KLF8: variants seen among roughly 807,000 people sequenced by gnomAD.
The protein encoded by KLF8 is Krueppel-like factor 8.
KLF8 carries 10 observed loss-of-function variants against 18.2 expected under a neutral mutation model. That is an observed-to-expected ratio of 0.55 (90% confidence interval 0.34 to 0.93). KLF8 has a LOEUF of 0.93. Among genes scored for constraint, KLF8 ranks in the 40% least tolerant of loss-of-function variants. The pLI is 0.02. For synonymous variants in KLF8, 109 were observed against 97.3 expected, an observed-to-expected ratio of 1.12 and a Z score of -0.71; for missense variants, 264 against 277.9, an observed-to-expected ratio of 0.95 and a Z score of 0.36.
the KLF8 span, among the ~76,000 whole-genome samples, chrX:55,943,673 T>A: frequency 8.9e-6 from 1 of 112,125 alleles, no homozygotes; most frequent in African/African-American, 3.2e-5. Flanking sequence ...TGTTGTTCAG[T>A]GTAAGGCTAT....
At chrX:55,911,757 A>G in the KLF8 span, among the ~76,000 whole-genome samples, 11 of 112,256 alleles carry the variant, frequency 9.8e-5, no homozygotes, top group African/African-American at 2.9e-4. Flanking sequence ...TGTTCCATAC[A>G]TTGAAAGTTC....
chrX:56,104,468 A>G, the KLF8 span, among the ~76,000 whole-genome samples: 1 of 111,535 alleles, frequency 9.0e-6, no homozygotes, highest in East Asian at 2.8e-4. Context: ...CCAGGAATTA[A>G]TCCATTTCTA....
At chrX:56,264,156 A>C (rs1481187170) in intron 2 of KLF8, among the ~76,000 whole-genome samples, 1 of 111,600 alleles carries the variant, frequency 9.0e-6, no homozygotes, top group Non-Finnish European at 1.9e-5. Flanking sequence ...TGGCATACAC[A>C]GTTCATTATA....
the KLF8 span, among the ~76,000 whole-genome samples, chrX:55,972,489 CAAT>C: frequency 4.5e-5 from 5 of 110,547 alleles, no homozygotes; most frequent in Admixed American, 1.9e-4. Flanking sequence ...TGATCATAGT[CAAT>C]AATGATTTAA....
chrX:56,150,587 C>T, the KLF8 span, among the ~76,000 whole-genome samples: 1 of 110,836 alleles, frequency 9.0e-6, no homozygotes, highest in Non-Finnish European at 1.9e-5. Flanking sequence ...TGCTTGGGGA[C>T]CCCTCCCTAG....
chrX:56,203,914 T>TA, the KLF8 span, among the ~76,000 whole-genome samples: 1 of 111,703 alleles, frequency 9.0e-6, no homozygotes, highest in Non-Finnish European at 1.9e-5. Flanking sequence ...GCTTTTTTTT[T>TA]ATGGTTCCAT....
the KLF8 span, among the ~76,000 whole-genome samples, chrX:55,909,011 T>A: frequency 9.0e-6 from 1 of 110,845 alleles, no homozygotes; most frequent in Admixed American, 9.5e-5. Context: ...GTTCGATGGC[T>A]GTGTGGTTGG....
At chrX:56,010,716 C>T in the KLF8 span, among the ~76,000 whole-genome samples, 186 of 111,857 alleles carry the variant, frequency 1.7e-3, 2 homozygotes, top group African/African-American at 5.6e-3. Flanking sequence ...TCAAGAGACC[C>T]ATCTCACTTG....
chrX:56,080,730 A>G, the KLF8 span, among the ~76,000 whole-genome samples: 1 of 111,709 alleles, frequency 9.0e-6, no homozygotes, highest in Non-Finnish European at 1.9e-5. Context: ...CCTGGATAAT[A>G]TCCTGCAGAG....
the KLF8 span, among the ~76,000 whole-genome samples, chrX:55,912,172 A>T: frequency 9.0e-6 from 1 of 111,606 alleles, no homozygotes; most frequent in Non-Finnish European, 1.9e-5. Flanking sequence ...AGACATACTG[A>T]TTCAGAAACT....
At chrX:56,188,838 T>C in the KLF8 span, among the ~76,000 whole-genome samples, 6 of 112,000 alleles carry the variant, frequency 5.4e-5, no homozygotes, top group East Asian at 1.7e-3. Flanking sequence ...TGAAACTGGA[T>C]CCCTTCCTTA....
the KLF8 span, chrX:55,908,707 C>T: frequency 3.5e-6 from 1 of 287,301 alleles, no homozygotes; most frequent in Admixed American, 6.2e-5. Context: ...GGAGTGAGGA[C>T]CCCGGGTCCA....
chrX:56,158,204 A>C, the KLF8 span, among the ~76,000 whole-genome samples: 1 of 111,273 alleles, frequency 9.0e-6, no homozygotes, highest in African/African-American at 3.3e-5. Context: ...GGTTGTAGAT[A>C]TGTGGCATTA....
the KLF8 span, among the ~76,000 whole-genome samples, chrX:56,188,471 A>G: frequency 5.4e-5 from 6 of 111,859 alleles, no homozygotes; most frequent in African/African-American, 9.8e-5. Flanking sequence ...ATTCAATGCC[A>G]TCCCCATCAA....
the KLF8 span, among the ~76,000 whole-genome samples, chrX:56,105,412 A>T: frequency 9.0e-6 from 1 of 111,440 alleles, no homozygotes; most frequent in Non-Finnish European, 1.9e-5. Context: ...ATTGGGTACA[A>T]ATATATTTAG....
the KLF8 span, among the ~76,000 whole-genome samples, chrX:55,989,798 C>T: frequency 3.0e-4 from 33 of 111,607 alleles, no homozygotes; most frequent in African/African-American, 1.1e-3. Flanking sequence ...CTCCTTGTAC[C>T]TCTGGTAGAA....
chrX:56,102,244 G>A, the KLF8 span, among the ~76,000 whole-genome samples: 1 of 111,131 alleles, frequency 9.0e-6, no homozygotes, highest in East Asian at 2.8e-4. Context: ...CAGCTTTCTT[G>A]AAGATAGATG....
chrX:56,140,814 A>G, the KLF8 span, among the ~76,000 whole-genome samples: 11 of 105,740 alleles, frequency 1.0e-4, no homozygotes, highest in African/African-American at 2.9e-4. Flanking sequence ...AAAAAAAAAA[A>G]AAAAAGAAAT....
At chrX:55,939,111 C>T in the KLF8 span, among the ~76,000 whole-genome samples, 24 of 111,660 alleles carry the variant, frequency 2.1e-4, no homozygotes, top group Non-Finnish European at 3.4e-4. Context: ...CCAAAATTGA[C>T]CACATGGTTG....
Sources: gnomAD v4.1 joint callset for allele counts (sites outside exome capture counted in the v4.1 genomes callset) on GRCh38, gnomAD v4.1.1 for gene constraint, MANE v1.5 for transcripts, NCBI Gene and HGNC (gene_info 2026-07-23, HGNC 2026-07-21) for gene names.